The following ERG variants were observed in gnomAD, a reference collection of about 807,000 sequenced individuals.
The protein encoded by ERG is ETS transcription factor ERG, also known as transcriptional regulator ERG.
Under a neutral mutation model 55.3 loss-of-function variants are expected in ERG, and 9 were observed. The ratio of observed to expected loss-of-function variants is 0.16; its 90% CI spans 0.10 to 0.28. ERG has a LOEUF of 0.28. Ranked by LOEUF, ERG falls within the 10% of genes least tolerant of loss-of-function variation. The pLI, the probability that ERG is intolerant of heterozygous loss-of-function variation, is 1.00. For missense variants in ERG, 434 were observed against 631.6 expected, an observed-to-expected ratio of 0.69 and a Z score of 3.35; for synonymous variants, 223 against 237.3, an observed-to-expected ratio of 0.94 and a Z score of 0.55.
At chr21:38,473,817 CAT>C (rs891259345) in intron 1 of ERG, among the ~76,000 whole-genome samples, 12 of 151,594 alleles carry the variant, frequency 7.9e-5, no homozygotes, top group Non-Finnish European at 1.5e-4. Flanking sequence ...TGTATGTGTA[CAT>C]GTTTGCGTAC....
At chr21:38,447,492 C>T (rs111496759) in intron 1 of ERG, among the ~76,000 whole-genome samples, 17 of 148,318 alleles carry the variant, frequency 1.1e-4, no homozygotes, top group African/African-American at 4.0e-4. Context: ...AAAAATGATA[C>T]GAGGCAGTGA....
chr21:38,619,267 CAGAGA>C (rs1054557326), intron 1 of ERG, among the ~76,000 whole-genome samples: 9 of 152,290 alleles, frequency 5.9e-5, no homozygotes, highest in African/African-American at 1.9e-4. Flanking sequence ...TCCAGAGAGC[CAGAGA>C]AGAGCCTTGG....
chr21:38,403,718 G>T lies in ERG; in HGVS notation c.389-9C>A. Reference sequence around the variant, plus strand: ...ACTCCATAGCGTAGGATCTGAAAGGGGTGGGAACACATTCAGTCAATTCCT... The same window carrying T: ...ACTCCATAGCGTAGGATCTGAAAGGTGTGGGAACACATTCAGTCAATTCCT... On this transcript the variant is annotated splice_polypyrimidine_tract_variant and intron_variant, in intron 3 of 9. Coordinates refer to ENST00000288319, the MANE Select transcript of ERG (RefSeq NM_182918.4). The T allele has an allele frequency of 6.2e-7, 1 of 1,613,490 alleles. No homozygotes were observed. Among genetic ancestry groups the T allele is most frequent in the South Asian group, 1.1e-5 (1 of 91,042 alleles).
intron 2 of ERG, among the ~76,000 whole-genome samples, chr21:38,441,907 C>T (rs550233088): frequency 1.4e-4 from 22 of 152,296 alleles, no homozygotes; most frequent in South Asian, 1.2e-3. Context: ...CCTGCCAAAC[C>T]GACATCACCG....
chr21:38,451,064 C>T, intron 1 of ERG: 1 of 437,722 alleles, frequency 2.3e-6, no homozygotes, highest in South Asian at 1.6e-5. Context: ...TAAGAAAAGT[C>T]ACACGGTGGA....
intron 1 of ERG, among the ~76,000 whole-genome samples, chr21:38,613,192 G>A (rs1227822200): frequency 6.6e-6 from 1 of 152,224 alleles, no homozygotes; most frequent in Non-Finnish European, 1.5e-5. Flanking sequence ...AGTCAAGACT[G>A]TTTAGTAAAA....
intron 1 of ERG, among the ~76,000 whole-genome samples, chr21:38,494,620 T>C (rs963189059): frequency 2.6e-5 from 4 of 152,256 alleles, no homozygotes; most frequent in African/African-American, 9.6e-5. Context: ...TAAATAAAGA[T>C]CTGTTTTGCA....
intron 1 of ERG, among the ~76,000 whole-genome samples, chr21:38,657,036 C>T (rs1410695920): frequency 2.0e-5 from 3 of 152,272 alleles, no homozygotes; most frequent in East Asian, 3.9e-4. Context: ...AAGGAAGCAA[C>T]TACAAATCTA....
chr21:38,383,793 G>T lies in ERG; in HGVS notation c.1050C>A (p.Arg350=). Residue 350 remains arginine (R), a synonymous_variant, in exon 10 of 10, where the codon CGC becomes CGA. Transcript: ENST00000288319. The surrounding 1 kb of genome is among the most constrained non-coding windows in gnomAD (Gnocchi z 5.7). The part of the protein sequence containing the change: ...KMTDPDEVAR[R]WGERKSKPNM... The stretch of plus-strand genomic sequence containing the variant: ...TGGGTTTGCTCTTCCGCTCTCCCCA[G>T]CGCCGGGCCACCTCGTCGGGATCCG... The T allele has an allele frequency of 1.2e-6, 2 of 1,614,184 alleles. No homozygotes were observed. The highest frequency in any genetic ancestry group is 1.7e-6 in the Non-Finnish European group (2 of 1,180,020).
chr21:38,489,959 AAG>A (rs2059321016), intron 1 of ERG, among the ~76,000 whole-genome samples: 1 of 152,218 alleles, frequency 6.6e-6, no homozygotes. Context: ...ATGAGAGAGA[AAG>A]AGTATGGAAG....
At chr21:38,661,737 C>CGATCTCTAGGAACCTGTCCCGG (rs2060558482), upstream of ERG, 2 of 151,856 alleles carry the variant, frequency 1.3e-5, no homozygotes, top group Non-Finnish European at 2.9e-5. Flanking sequence ...ACCTGTCCCG[C>CGATCTCTAGGAACCTGTCCCGG]AGCGATCTCT....
intron 1 of ERG, among the ~76,000 whole-genome samples, chr21:38,577,100 A>G (rs541172633): frequency 3.5e-4 from 53 of 152,372 alleles, no homozygotes; most frequent in Non-Finnish European, 5.9e-4. Context: ...CAAAATAAAA[A>G]TAAACAATAT....
At chr21:38,526,187 G>T (rs1191774293) in intron 2 of ERG, among the ~76,000 whole-genome samples, 1 of 152,104 alleles carries the variant, frequency 6.6e-6, no homozygotes, top group African/African-American at 2.4e-5. Context: ...TGAAGGACAG[G>T]GATTGCCCAT....
At chr21:38,615,825 A>G (rs2060255727) in intron 1 of ERG, among the ~76,000 whole-genome samples, 1 of 152,006 alleles carries the variant, frequency 6.6e-6, no homozygotes, top group African/African-American at 2.4e-5. Context: ...TCAAGCTACC[A>G]ATGGGATGTC....
chr21:38,549,672 G>C (rs935636977), intron 2 of ERG, among the ~76,000 whole-genome samples: 2 of 152,116 alleles, frequency 1.3e-5, no homozygotes, highest in African/African-American at 4.8e-5. Flanking sequence ...AAAAGAGAAA[G>C]TACAAAGAAA....
chr21:38,589,640 G>C (rs2146891541), upstream of ERG, among the ~76,000 whole-genome samples: 1 of 152,290 alleles, frequency 6.6e-6, no homozygotes, highest in South Asian at 2.1e-4. Flanking sequence ...CCATAGAGTA[G>C]TAGTCCTGTC....
chr21:38,371,191 T>C, the ERG span, among the ~76,000 whole-genome samples: 1 of 152,062 alleles, frequency 6.6e-6, no homozygotes, highest in Admixed American at 6.6e-5. Flanking sequence ...TATTTTTAAA[T>C]TTAACCTTCT....
chr21:38,594,693 A>C (rs1021562615), intron 1 of ERG, among the ~76,000 whole-genome samples: 1 of 152,194 alleles, frequency 6.6e-6, no homozygotes, highest in Non-Finnish European at 1.5e-5. Flanking sequence ...CAGAACCCAG[A>C]TCATGAAAAA....
At chr21:38,439,174 G>A (rs1255335994) in intron 2 of ERG, among the ~76,000 whole-genome samples, 1 of 152,200 alleles carries the variant, frequency 6.6e-6, no homozygotes, top group African/African-American at 2.4e-5. Flanking sequence ...CCTGTGGAAA[G>A]GGGAAGGTGC....
Sources: allele counts gnomAD v4.1 joint callset (sites outside exome capture counted in the v4.1 genomes callset), GRCh38; gene constraint gnomAD v4.1.1; non-coding constraint Gnocchi (gnomAD v3.1); transcripts MANE v1.5; gene names NCBI Gene and HGNC (gene_info 2026-07-23, HGNC 2026-07-21).